The following CYP26C1 variants were observed in gnomAD, a reference collection of about 807,000 sequenced individuals.
The protein encoded by CYP26C1 is cytochrome P450 family 26 subfamily C member 1.
CYP26C1 carries 41 observed loss-of-function variants against 39.1 expected under a neutral mutation model. The observed-to-expected ratio is 1.05, with a 90% CI of 0.82 to 1.36. The LOEUF (loss-of-function observed/expected upper bound fraction) is 1.36. Among genes scored for constraint, CYP26C1 ranks in the 40% most tolerant of loss-of-function variants. CYP26C1 has a pLI of 0.00. For missense variants in CYP26C1, 833 were observed against 752.0 expected, an observed-to-expected ratio of 1.11 and a Z score of -1.26; for synonymous variants, 362 against 350.8, an observed-to-expected ratio of 1.03 and a Z score of -0.36.
intron 1 of CYP26C1, among the ~76,000 whole-genome samples, 185 bp downstream of exon 1, chr10:93,061,652 T>A (rs1590134723): frequency 6.6e-6 from 1 of 151,846 alleles, no homozygotes; most frequent in East Asian, 1.9e-4. Context: ...GGACCTCAAG[T>A]CACTGGAATT....
chr10:93,066,344 C>G, intron 5 of CYP26C1, 59 bp downstream of exon 5: 1 of 1,241,172 alleles, frequency 8.1e-7, no homozygotes, highest in Non-Finnish European at 1.0e-6. Flanking sequence ...TGCCGCCTGC[C>G]GCCTGCCGCC....
At chr10:93,063,100 T>G in intron 3 of CYP26C1, 105 bp downstream of exon 3, 1 of 1,461,188 alleles carries the variant, frequency 6.8e-7, no homozygotes, top group East Asian at 2.5e-5. Context: ...GTCCGTCACC[T>G]CTGCTGGGAA....
chr10:93,065,214 C>G (rs561977803), intron 4 of CYP26C1, among the ~76,000 whole-genome samples: 31 of 152,356 alleles, frequency 2.0e-4, no homozygotes, highest in Non-Finnish European at 3.8e-4. Context: ...GCAACTCTTA[C>G]GCATCCTTTC....
intron 5 of CYP26C1, among the ~76,000 whole-genome samples, chr10:93,066,703 A>C (rs1231394998): frequency 1.3e-5 from 2 of 152,190 alleles, no homozygotes; most frequent in Non-Finnish European, 2.9e-5. Flanking sequence ...GCTCCCTCAC[A>C]AGATGAAGGA....
In CYP26C1 at chr10:93,062,802, C is replaced by G; in HGVS notation, c.512C>G (p.Ser171Cys). The G allele has an allele frequency of 6.5e-7, 1 of 1,549,548 alleles. No individual in the cohort carries two copies. Among genetic ancestry groups the G allele is most frequent in the Non-Finnish European group, 8.7e-7 (1 of 1,154,418 alleles). Residue 171 changes from serine to cysteine, a missense_variant, in exon 3 of 6, where the codon TCC (serine) becomes TGC (cysteine). Ser to Cys is a moderately radical substitution (Grantham distance 112). Coordinates refer to ENST00000651965, the MANE Select transcript of CYP26C1 (RefSeq NM_183374.3). The part of the protein sequence containing the change: ...LQGALRHEVR[S>C]WCAAGGPVSV... ...GGGGCGCTGCGGCATGAGGTGCGCTCCTGGTGCGCGGCGGGCGGGCCGGTC... is the reference window on the plus strand; with the variant it reads ...GGGGCGCTGCGGCATGAGGTGCGCTGCTGGTGCGCGGCGGGCGGGCCGGTC...
intron 2 of CYP26C1, 101 bp downstream of exon 2, chr10:93,062,335 C>T: frequency 4.0e-6 from 5 of 1,234,978 alleles, no homozygotes; most frequent in Non-Finnish European, 5.5e-6. Flanking sequence ...CACTGTGAAC[C>T]CGACCAAGGT....
intron 3 of CYP26C1, 34 bp downstream of exon 3, chr10:93,063,029 G>C (rs1590135764): frequency 6.6e-7 from 1 of 1,503,958 alleles, no homozygotes; most frequent in Non-Finnish European, 8.8e-7. Context: ...CTTCCTCCGA[G>C]GCTCCGCGGC....
At chr10:93,063,034 C>T (rs561393575) in intron 3 of CYP26C1, 39 bp downstream of exon 3, 14 of 1,503,714 alleles carry the variant, frequency 9.3e-6, no homozygotes, top group South Asian at 1.3e-5. Context: ...TCCGAGGCTC[C>T]GCGGCGCGGG....
intron 4 of CYP26C1, 121 bp from the exon 5 acceptor site, chr10:93,065,835 C>T: frequency 1.0e-6 from 1 of 969,264 alleles, no homozygotes; most frequent in Non-Finnish European, 1.4e-6. Flanking sequence ...TAGCACTTCC[C>T]TGCCCCCTGG....
chr10:93,062,821 G>A lies in CYP26C1; in HGVS notation c.531G>A (p.Gly177=), dbSNP rs768694142. ...TGCGCTCCTGGTGCGCGGCGGGCGG[G>A]CCGGTCTCAGTCTACGACGCCTCCA... ...HEVRSWCAAG[G]PVSVYDASKA... is the part of the protein sequence containing the mutation. Residue 177 remains glycine, a synonymous_variant, in exon 3 of 6, where the codon GGG becomes GGA. Coordinates refer to ENST00000651965, the MANE Select transcript of CYP26C1 (RefSeq NM_183374.3). The A allele has an allele frequency of 7.7e-6, 12 of 1,567,974 alleles. No homozygotes were observed. The highest frequency in any genetic ancestry group is 1.0e-5 in the Non-Finnish European group (12 of 1,163,378).
At position 93,068,694 on chromosome 10, in the gene CYP26C1, C is replaced by G. The variant is rs775757357; in HGVS notation, c.1566C>G (p.Leu522=). The G allele has an allele frequency of 3.9e-6, 6 of 1,542,084 alleles. No homozygotes were observed. The highest frequency in any genetic ancestry group is 1.9e-5 in the Admixed American group (1 of 52,688). The change falls in exon 6 of 6, where the codon CTC becomes CTG. Residue 522 remains leucine (L), a synonymous_variant. Coordinates refer to ENST00000651965, the MANE Select transcript of CYP26C1 (RefSeq NM_183374.3). ...TPSVAGNGLC[L] is the part of the protein sequence containing the mutation. ...CGGTTGCGGGGAATGGGCTATGCCT[C>G]TGACATGCTTGCGCTCTAGGACACG...
Position 93,061,296 on chromosome 10 carries a change from G to T in CYP26C1, c.33G>T (p.Val11=). The change falls in exon 1 of 6, where the codon GTG becomes GTT. Residue 11 remains valine (V), a synonymous_variant. Transcript: ENST00000651965. ...CTTGGGGGCTGAGCTGCCTGTCAGTGCTGGGGGCGGCGGGCACTGCTCTCC... is the reference window on the plus strand; with the variant it reads ...CTTGGGGGCTGAGCTGCCTGTCAGTTCTGGGGGCGGCGGGCACTGCTCTCC... MFPWGLSCLS[V]LGAAGTALLC... is the part of the protein sequence containing the mutation. 1 of 1,594,534 alleles carries T rather than the reference G, an allele frequency of 6.3e-7. No individual in the cohort carries two copies.
intron 5 of CYP26C1, among the ~76,000 whole-genome samples, chr10:93,066,573 A>G (rs531496842): frequency 1.9e-4 from 29 of 152,292 alleles, no homozygotes; most frequent in Admixed American, 3.9e-4. Context: ...GGTCAATTCA[A>G]TGAGAGCGGA....
Position 93,068,682 on chromosome 10 carries a change from T to A in CYP26C1, c.1554T>A (p.Asn518Lys). The change falls in exon 6 of 6, where the codon AAT becomes AAA. Residue 518 changes from asparagine (N) to lysine (K), a missense_variant. Transcript: ENST00000651965. Reference protein sequence around the residue: ...FHPLTPSVAGNGLCL With the variant: ...FHPLTPSVAGKGLCL Reference sequence around the variant, plus strand: ...CCCTCACGCCTTCGGTTGCGGGGAATGGGCTATGCCTCTGACATGCTTGCG... The same window carrying A: ...CCCTCACGCCTTCGGTTGCGGGGAAAGGGCTATGCCTCTGACATGCTTGCG... 6.4e-7 allele frequency: 1 copy of A among 1,570,526 alleles called. No homozygotes were observed. The highest frequency in any genetic ancestry group is 2.3e-4 in the Middle Eastern group (1 of 4,414).
chr10:93,063,696 T>A, intron 3 of CYP26C1: 1 of 984,534 alleles, frequency 1.0e-6, no homozygotes, highest in Non-Finnish European at 1.2e-6. Context: ...CGTTTTCTGA[T>A]CTAATCCTCG....
chr10:93,068,837 C>A lies in CYP26C1; in HGVS notation c.*140C>A. 1.5e-6 allele frequency: 2 copies of A among 1,350,448 alleles called. No homozygotes were observed. Among genetic ancestry groups the A allele is most frequent in the Non-Finnish European group, 9.7e-7 (1 of 1,036,158 alleles). 83.7% of individuals were successfully genotyped at this position (1,350,448 alleles called of 1,614,324 possible). A position where few individuals can be genotyped will look rare whatever the true frequency, so the allele number is the denominator to read the frequency against. On this transcript the variant is annotated 3_prime_UTR_variant, in exon 6 of 6. Coordinates refer to ENST00000651965, the MANE Select transcript of CYP26C1 (RefSeq NM_183374.3). Reference sequence around the variant, plus strand: ...TCTTTCAACAAATGTTCGCCAAACGCGGATGTGTGCCGGACTCGAGGAAGG... The same window carrying A: ...TCTTTCAACAAATGTTCGCCAAACGAGGATGTGTGCCGGACTCGAGGAAGG...
At chr10:93,064,651 G>T (rs1185026480) in intron 4 of CYP26C1, 115 bp downstream of exon 4, 2 of 1,492,736 alleles carry the variant, frequency 1.3e-6, no homozygotes, top group Non-Finnish European at 1.8e-6. Context: ...GGCACAGGCA[G>T]TCCTCAAGAT....
At chr10:93,063,267 G>A in intron 3 of CYP26C1, 3 of 1,200,702 alleles carry the variant, frequency 2.5e-6, no homozygotes, top group Middle Eastern at 3.3e-4. Flanking sequence ...GAGCAAGCGC[G>A]GGCCGCCAGA....
rs761813096 is a variant in CYP26C1, at chr10:93,062,215, C to G, written c.410C>G (p.Pro137Arg). 5 of 1,524,432 alleles carry G rather than the reference C, an allele frequency of 3.3e-6. No individual in the cohort carries two copies. The highest frequency in any genetic ancestry group is 2.5e-5 in the East Asian group (1 of 40,642). 94.4% of individuals were successfully genotyped at this position (1,524,432 alleles called of 1,614,324 possible). A position where few individuals can be genotyped will look rare whatever the true frequency, so the allele number is the denominator to read the frequency against. Residue 137 changes from proline (P) to arginine (R), a missense_variant, in exon 2 of 6, where the codon CCG becomes CGG. By Grantham distance (103) the Pro-to-Arg change is moderately radical (BLOSUM62 -2). Coordinates refer to ENST00000651965, the MANE Select transcript of CYP26C1 (RefSeq NM_183374.3). ...ACACTGCTAGGTGCGGTCGGCGAGCCGCACCGGCGGCGGCGCAAGGTGAGT... is the reference window on the plus strand; with the variant it reads ...ACACTGCTAGGTGCGGTCGGCGAGCGGCACCGGCGGCGGCGCAAGGTGAGT... Reference protein sequence around the residue: ...SHTLLGAVGEPHRRRRKVLAR... With the variant: ...SHTLLGAVGERHRRRRKVLAR...
Sources: allele counts gnomAD v4.1 joint callset (sites outside exome capture counted in the v4.1 genomes callset), GRCh38; gene constraint gnomAD v4.1.1; transcripts MANE v1.5; gene names NCBI Gene and HGNC (gene_info 2026-07-23, HGNC 2026-07-21).